Variants in NUMA1 observed in about 807,000 individuals in gnomAD.
NUMA1 encodes nuclear mitotic apparatus protein 1, also known as SP-H antigen.
NUMA1 carries 62 observed loss-of-function variants against 237.1 expected under a neutral mutation model. The ratio of observed to expected loss-of-function variants is 0.26; its 90% CI spans 0.21 to 0.32. The LOEUF (loss-of-function observed/expected upper bound fraction) is 0.32. NUMA1 is among the 10% of genes least tolerant of loss of function. The probability of loss-of-function intolerance (pLI) is 1.00; values close to 1 mark genes in which losing one functional copy is unlikely to be tolerated. For synonymous variants in NUMA1, 1,028 were observed against 1,066.1 expected, an observed-to-expected ratio of 0.96 and a Z score of 0.70; for missense variants, 2,533 against 2,666.5, an observed-to-expected ratio of 0.95 and a Z score of 1.10.
At chr11:72,023,015 C>T in intron 6 of NUMA1, 50 bp downstream of exon 6, 1 of 1,362,934 alleles carries the variant, frequency 7.3e-7, no homozygotes, top group Non-Finnish European at 1.0e-6. Context: ...CCCTCAGGTA[C>T]CATCACCCCA....
At chr11:72,019,144 T>C in intron 9 of NUMA1, 164 bp from the exon 10 acceptor site, 1 of 724,102 alleles carries the variant, frequency 1.4e-6, no homozygotes, top group Non-Finnish European at 2.2e-6. Flanking sequence ...CATGACATGA[T>C]CTTGGGAAAA....
Position 72,013,694 on chromosome 11 carries a change from C to T in NUMA1, c.3809G>A (p.Arg1270His), listed in dbSNP as rs754792164. The T allele has an allele frequency of 3.0e-5, 48 of 1,609,098 alleles. 1 individual carries two copies. The South Asian group carries it at 3.2e-4, about 11-fold the overall frequency. Reference sequence around the variant, plus strand: ...GCTGGCTGTCTCTGCCTGCAGCAGGCGCAGCCTCTCCTCCAGCTTCTGGCT... The same window carrying T: ...GCTGGCTGTCTCTGCCTGCAGCAGGTGCAGCCTCTCCTCCAGCTTCTGGCT... ...EKSQKLEERL[R>H]LLQAETASNS... Residue 1270 changes from arginine to histidine, a missense_variant, in exon 15 of 27, where the codon CGC (arginine) becomes CAC (histidine). By Grantham distance (29) the Arg-to-His change is conservative (BLOSUM62 0). Coordinates refer to ENST00000393695, the MANE Select transcript of NUMA1 (RefSeq NM_006185.4). The surrounding 1 kb of genome is among the most constrained non-coding windows in gnomAD (Gnocchi z 6.8).
Position 72,012,420 on chromosome 11 carries a change from T to A in NUMA1, c.4631A>T (p.Gln1544Leu). The A allele has an allele frequency of 6.2e-7, 1 of 1,613,150 alleles. No individual in the cohort carries two copies. ...TAQVEQLEVF[Q>L]REQTKQVEEL... ...CATTACCTGCTTAGTTTGCTCTCTC[T>A]GAAATACCTCTAGCTGCTCCACCTG... Residue 1544 changes from glutamine to leucine, a missense_variant, in exon 16 of 27, where the codon CAG becomes CTG. Gln to Leu is a moderately radical substitution (Grantham distance 113, BLOSUM62 -2). Around this residue, in one of 3 missense-constraint regions of NUMA1, gnomAD observed 795 missense variants for 750.8 expected, o/e 1.06. Coordinates refer to ENST00000393695, the MANE Select transcript of NUMA1 (RefSeq NM_006185.4).
intron 20 of NUMA1, chr11:72,007,796 G>A: frequency 2.7e-6 from 1 of 369,714 alleles, no homozygotes; most frequent in Non-Finnish European, 5.1e-6. Flanking sequence ...AGGCCCCCAA[G>A]CCATGAACGT....
chr11:72,024,656 C>G, intron 4 of NUMA1: 1 of 382,420 alleles, frequency 2.6e-6, no homozygotes, highest in Non-Finnish European at 4.9e-6. Context: ...ACGGAGGCAG[C>G]ACAGATGAAC....
chr11:72,025,245 G>C (rs558380493), intron 4 of NUMA1, among the ~76,000 whole-genome samples: 1 of 152,120 alleles, frequency 6.6e-6, no homozygotes, highest in African/African-American at 2.4e-5. Context: ...CTGGAAGAGC[G>C]GGCAGTGTGA....
chr11:72,003,755 C>G, intron 26 of NUMA1, 132 bp downstream of exon 26: 1 of 1,058,768 alleles, frequency 9.4e-7, no homozygotes, highest in Admixed American at 2.2e-5. Context: ...GCTACCAGGA[C>G]AGGGACACCT....
intron 2 of NUMA1, among the ~76,000 whole-genome samples, chr11:72,056,449 G>T (rs551344214): frequency 6.6e-6 from 1 of 150,912 alleles, no homozygotes; most frequent in African/African-American, 2.4e-5. Flanking sequence ...AACCTGCCAA[G>T]TAGCTGGGAT....
rs927712490 is a variant in NUMA1 at position 72,005,262 on chromosome 11, G to T, written c.5800C>A (p.Leu1934Met). 1.9e-6 allele frequency: 3 copies of T among 1,606,992 alleles called. No individual in the cohort carries two copies. Among genetic ancestry groups the T allele is most frequent in the East Asian group, 2.3e-5 (1 of 44,168 alleles). ...QQRNRVCPPHLKTCYPLESRP... is the reference protein window; with the variant it reads ...QQRNRVCPPHMKTCYPLESRP... ...GACTCCAGGGGATAGCAGGTCTTCA[G>T]ATGTGGGGGGCACACTCGATTGCGC... Residue 1934 changes from leucine to methionine, a missense_variant, in exon 23 of 27, where the codon CTG (leucine) becomes ATG (methionine). Leu to Met is a conservative substitution (Grantham distance 15). Around this residue, in one of 3 missense-constraint regions of NUMA1, gnomAD observed 795 missense variants for 750.8 expected, o/e 1.06. Transcript: ENST00000393695.
At chr11:72,074,051 A>G (rs1320211755) in intron 1 of NUMA1, among the ~76,000 whole-genome samples, 1 of 151,968 alleles carries the variant, frequency 6.6e-6, no homozygotes, top group Admixed American at 6.6e-5. Context: ...AAAATTAGCT[A>G]GGCTTGGTGG....
chr11:72,036,248 G>A (rs898912359), intron 2 of NUMA1, among the ~76,000 whole-genome samples: 1 of 152,220 alleles, frequency 6.6e-6, no homozygotes, highest in African/African-American at 2.4e-5. Context: ...TCCAAAGCTG[G>A]CCTTCAACCC....
At chr11:72,026,368 T>A (rs1453061735) in intron 4 of NUMA1, among the ~76,000 whole-genome samples, 2 of 152,246 alleles carry the variant, frequency 1.3e-5, no homozygotes, top group Non-Finnish European at 2.9e-5. Flanking sequence ...ATGGGCTGAC[T>A]GACAACTGAG....
Position 72,003,331 on chromosome 11 carries a change from C to T in NUMA1, c.*196G>A, listed in dbSNP as rs1955388788. On this transcript the variant is annotated 3_prime_UTR_variant, in exon 27 of 27. Transcript: ENST00000393695. ...GCCCACACTGTCCATGCTCCAGGCC[C>T]CCTGGGCCAGCTCCGAGAAGGCGCC... 2 of 624,760 alleles carry T rather than the reference C, an allele frequency of 3.2e-6. No individual in the cohort carries two copies. The highest frequency in any genetic ancestry group is 5.8e-6 in the Non-Finnish European group (2 of 343,598). 38.7% of individuals were successfully genotyped at this position (624,760 alleles called of 1,614,324 possible).
chr11:72,019,690 A>C (rs961092888), intron 8 of NUMA1, 73 bp from the exon 9 acceptor site: 2 of 1,527,492 alleles, frequency 1.3e-6, no homozygotes. Flanking sequence ...ACCTTTATGC[A>C]ATTTGAGAAC....
intron 2 of NUMA1, among the ~76,000 whole-genome samples, chr11:72,036,735 G>T (rs7127865): frequency 1.3e-5 from 2 of 152,108 alleles, no homozygotes; most frequent in South Asian, 2.1e-4. Flanking sequence ...ATGAAAATTA[G>T]GCACCTGTCC....
chr11:72,077,974 A>T (rs1426292567), intron 1 of NUMA1, among the ~76,000 whole-genome samples: 1 of 152,214 alleles, frequency 6.6e-6, no homozygotes, highest in East Asian at 1.9e-4. Flanking sequence ...ATAGTGAAAA[A>T]GCAAACAGTA....
chr11:72,023,144 T>C lies in NUMA1; in HGVS notation c.212A>G (p.Asn71Ser). The change falls in exon 6 of 27, where the codon AAT (asparagine) becomes AGT (serine). Residue 71 changes from asparagine to serine, a missense_variant. Around this residue, in one of 3 missense-constraint regions of NUMA1, gnomAD observed 1,414 missense variants for 1,508.1 expected, o/e 0.94. Transcript: ENST00000393695. ...LDFVCSFLQK[N>S]RKHPSSPECL... ...TTCTGGGGAAGAGGGATGTTTTCGA[T>C]TTTCTGCAATGACAACAACGTAGAA... 1 of 1,612,158 alleles carries C rather than the reference T, an allele frequency of 6.2e-7. No homozygotes were observed. Among genetic ancestry groups the C allele is most frequent in the Non-Finnish European group, 8.5e-7 (1 of 1,178,582 alleles).
chr11:72,077,057 T>C (rs1164735253), intron 1 of NUMA1, among the ~76,000 whole-genome samples: 1 of 152,042 alleles, frequency 6.6e-6, no homozygotes, highest in East Asian at 1.9e-4. Context: ...AGTAAACTAG[T>C]ATACTAGAAG....
At chr11:72,042,912 G>A (rs1221940181) in intron 2 of NUMA1, among the ~76,000 whole-genome samples, 1 of 151,344 alleles carries the variant, frequency 6.6e-6, no homozygotes, top group African/African-American at 2.4e-5. Flanking sequence ...CCGAGAGTTG[G>A]AGACCAGCCG....
Sources: gnomAD v4.1 joint callset for allele counts (sites outside exome capture counted in the v4.1 genomes callset) on GRCh38, gnomAD v4.1.1 for gene constraint, gnomAD v4.1.1 regional missense constraint, Gnocchi (gnomAD v3.1) non-coding constraint, MANE v1.5 for transcripts, NCBI Gene and HGNC (gene_info 2026-07-23, HGNC 2026-07-21) for gene names.